Variants in FIRRM observed in about 807,000 individuals in gnomAD.
FIRRM encodes FIGNL1 interacting regulator of recombination and mitosis.
At chr1:169,813,028 G>T in the FIRRM span, among the ~76,000 whole-genome samples, 2 of 151,892 alleles carry the variant, frequency 1.3e-5, no homozygotes, top group Non-Finnish European at 2.9e-5. Flanking sequence ...TTGCTATATT[G>T]GAAAAGAAAC....
chr1:169,849,506 A>C, the FIRRM span: 7 of 1,612,260 alleles, frequency 4.3e-6, no homozygotes, highest in Non-Finnish European at 5.9e-6. Flanking sequence ...TTAGGACAGA[A>C]TTCTGCCCAA....
the FIRRM span, chr1:169,843,869 T>C: frequency 1.3e-5 from 9 of 691,482 alleles, no homozygotes; most frequent in East Asian, 2.4e-4. Context: ...TTAAACCTCC[T>C]CTTGTTGTGT....
the FIRRM span, among the ~76,000 whole-genome samples, chr1:169,834,973 G>A: frequency 6.6e-6 from 1 of 152,138 alleles, no homozygotes; most frequent in Non-Finnish European, 1.5e-5. Context: ...TATGGGAACA[G>A]GTAGGCATAG....
At chr1:169,851,604 A>C in the FIRRM span, 3 of 606,406 alleles carry the variant, frequency 4.9e-6, no homozygotes, top group Non-Finnish European at 8.3e-6. Context: ...TTTTTCCTGC[A>C]AAGACAACTC....
the FIRRM span, chr1:169,799,040 C>T: frequency 2.0e-6 from 1 of 508,098 alleles, no homozygotes; most frequent in East Asian, 3.4e-5. Context: ...TGTGTTCTTA[C>T]AGTTTTGTAT....
chr1:169,848,514 C>A, the FIRRM span, among the ~76,000 whole-genome samples: 1 of 152,182 alleles, frequency 6.6e-6, no homozygotes, highest in Non-Finnish European at 1.5e-5. Context: ...TATCTCAGAA[C>A]ATGTAGATTA....
At chr1:169,800,779 G>T in the FIRRM span, 20 of 415,722 alleles carry the variant, frequency 4.8e-5, no homozygotes, top group South Asian at 5.9e-5. Context: ...TTTTGAAAGT[G>T]TATCAAGCTT....
chr1:169,830,853 C>T, the FIRRM span: 6 of 1,048,680 alleles, frequency 5.7e-6, no homozygotes, highest in Admixed American at 1.1e-4. Context: ...ATCACAGTAA[C>T]AAGATTGTTT....
At chr1:169,805,451 A>G in the FIRRM span, among the ~76,000 whole-genome samples, 15 of 152,140 alleles carry the variant, frequency 9.9e-5, 1 homozygote. Flanking sequence ...GTGTGCTAGC[A>G]CTTTTCAAGT....
the FIRRM span, chr1:169,854,036 T>TTTTTC: frequency 8.4e-3 from 4,739 of 565,774 alleles, 172 homozygotes; most frequent in African/African-American, 0.08. Flanking sequence ...TAATCCCTTT[T>TTTTTC]TTTTCTTTTT....
At chr1:169,835,530 TTC>T in the FIRRM span, among the ~76,000 whole-genome samples, 2 of 152,230 alleles carry the variant, frequency 1.3e-5, no homozygotes, top group Non-Finnish European at 2.9e-5. Context: ...AGTGTATTTT[TTC>T]TCTTTCCAAT....
the FIRRM span, among the ~76,000 whole-genome samples, chr1:169,785,135 C>A: frequency 5.3e-5 from 8 of 152,314 alleles, no homozygotes; most frequent in East Asian, 1.2e-3. Flanking sequence ...TCTGGCCCCC[C>A]TCGCAGGATG....
the FIRRM span, chr1:169,850,057 TAA>T: frequency 1.1e-4 from 62 of 564,236 alleles, no homozygotes; most frequent in East Asian, 8.1e-4. Flanking sequence ...CCAGCAGAAG[TAA>T]TTAAAGCTTA....
At chr1:169,837,698 A>G in the FIRRM span, among the ~76,000 whole-genome samples, 1 of 152,220 alleles carries the variant, frequency 6.6e-6, no homozygotes, top group African/African-American at 2.4e-5. Flanking sequence ...TTGGGGGTAC[A>G]TCGGGAACCA....
At chr1:169,853,861 T>C in the FIRRM span, 385 of 1,462,402 alleles carry the variant, frequency 2.6e-4, 1 homozygote, top group African/African-American at 4.8e-3. Context: ...GAATTTAAAA[T>C]TTATCTTTTG....
chr1:169,785,602 T>C, the FIRRM span, among the ~76,000 whole-genome samples: 3 of 152,236 alleles, frequency 2.0e-5, no homozygotes, highest in East Asian at 5.8e-4. Flanking sequence ...CAGATGCTCC[T>C]CTTCTCTCCT....
chr1:169,841,104 A>C, the FIRRM span, among the ~76,000 whole-genome samples: 1 of 152,028 alleles, frequency 6.6e-6, no homozygotes, highest in Non-Finnish European at 1.5e-5. Flanking sequence ...GATGGCTCTT[A>C]TTATTTCGAT....
chr1:169,853,347 T>TAAAGA, the FIRRM span: 21,649 of 318,112 alleles, frequency 0.068, 996 homozygotes, highest in Non-Finnish European at 0.089. Context: ...ACTCTTATGT[T>TAAAGA]AAAGAATGGC....
chr1:169,850,272 A>G, the FIRRM span: 1 of 1,607,492 alleles, frequency 6.2e-7, no homozygotes, highest in Non-Finnish European at 8.5e-7. Context: ...TAGGGAACAA[A>G]TCATGAAGAG....
Sources: allele counts gnomAD v4.1 joint callset (sites outside exome capture counted in the v4.1 genomes callset), GRCh38; gene constraint gnomAD v4.1.1; transcripts MANE v1.5; gene names NCBI Gene and HGNC (gene_info 2026-07-23, HGNC 2026-07-21).